Variants in ERBB4 observed in about 807,000 individuals in gnomAD.
The protein encoded by ERBB4 is erb-b2 receptor tyrosine kinase 4.
A neutral mutation model predicts 158.0 loss-of-function variants in ERBB4; 42 were observed. That is an observed-to-expected ratio of 0.27 (90% CI 0.21 to 0.34). ERBB4 has a LOEUF of 0.34. Among genes scored for constraint, ERBB4 ranks in the 10% least tolerant of loss-of-function variants. The probability of loss-of-function intolerance (pLI) is 1.00; values close to 1 mark genes in which losing one functional copy is unlikely to be tolerated. For missense variants in ERBB4, 1,333 were observed against 1,624.1 expected (o/e 0.82, Z 3.08); for synonymous variants, 583 against 558.7 (o/e 1.04, Z -0.61).
At position 211,544,192 on chromosome 2, in the gene ERBB4, A is replaced by G. The variant is rs1159312959; in HGVS notation, c.2487+17711T>C. On this transcript the variant is annotated intron_variant, in intron 20 of 27. Transcript: ENST00000342788. ...AATTACAAGAGCAGCTGTGACTAAG[A>G]TGGTGATTCTGGAATTACTGTAATT... 8.5e-5 allele frequency among the ~76,000 whole-genome samples: 13 copies of G among 152,210 alleles called. No individual in the cohort carries two copies. The South Asian group carries it at 2.5e-3, about 29-fold the overall frequency.
chr2:212,538,444 C>A lies in ERBB4; in HGVS notation c.82+5G>T. On this transcript the variant is annotated splice_donor_5th_base_variant and intron_variant, in intron 1 of 27. Transcript: ENST00000342788. ...TCGGCGACCGGAGTGCCAGAAGGAACCCACCTGACTGAGAATCGCTGGGCT... is the reference window on the plus strand; with the variant it reads ...TCGGCGACCGGAGTGCCAGAAGGAAACCACCTGACTGAGAATCGCTGGGCT... 1 of 1,613,704 alleles carries A rather than the reference C, an allele frequency of 6.2e-7. No homozygotes were observed. Among genetic ancestry groups the A allele is most frequent in the Non-Finnish European group, 8.5e-7 (1 of 1,179,680 alleles).
chr2:211,587,825 C>A (rs893568769), intron 19 of ERBB4, among the ~76,000 whole-genome samples: 1 of 152,150 alleles, frequency 6.6e-6, no homozygotes, highest in Non-Finnish European at 1.5e-5. Flanking sequence ...GTAAAAATTA[C>A]AGATGTATTT....
intron 1 of ERBB4, among the ~76,000 whole-genome samples, chr2:212,161,990 A>C (rs938668649): frequency 2.0e-5 from 3 of 151,894 alleles, no homozygotes; most frequent in Admixed American, 6.6e-5. Flanking sequence ...TATTGTGAGA[A>C]TATAAAGTGT....
intron 19 of ERBB4, among the ~76,000 whole-genome samples, chr2:211,596,082 A>G (rs1392976881): frequency 6.6e-6 from 1 of 152,226 alleles, no homozygotes; most frequent in Non-Finnish European, 1.5e-5. Context: ...TTATAAAACT[A>G]AAGTATATCT....
chr2:212,057,031 C>T (rs2077598825), intron 2 of ERBB4, among the ~76,000 whole-genome samples: 2 of 152,072 alleles, frequency 1.3e-5, no homozygotes, highest in African/African-American at 4.8e-5. Context: ...ATTCAGGAGA[C>T]CCATCTCACG....
chr2:212,413,750 A>T (rs2091571511), intron 1 of ERBB4, among the ~76,000 whole-genome samples: 1 of 152,166 alleles, frequency 6.6e-6, no homozygotes, highest in Non-Finnish European at 1.5e-5. Context: ...AAATTATTTT[A>T]AAAAGTATTT....
rs750922928 is a variant in ERBB4, at chr2:212,291,424, A to C, written c.83-166521T>G. On this transcript the variant is annotated intron_variant, in intron 1 of 27. Coordinates refer to ENST00000342788, the MANE Select transcript of ERBB4 (RefSeq NM_005235.3). Reference sequence around the variant, plus strand: ...AAAGTCTTTTTACTAGATATTTTTAATGGAAAGTGAACAATTTGCATTAAA... The same window carrying C: ...AAAGTCTTTTTACTAGATATTTTTACTGGAAAGTGAACAATTTGCATTAAA... Among the ~76,000 whole-genome samples the C allele has an allele frequency of 2.7e-4, 41 of 152,258 alleles. 1 individual carries two copies. Among genetic ancestry groups the C allele is most frequent in the Admixed American group, 2.0e-4 (3 of 15,282 alleles).
At chr2:211,662,887 T>C (rs983064514) in intron 15 of ERBB4, among the ~76,000 whole-genome samples, 12 of 152,230 alleles carry the variant, frequency 7.9e-5, no homozygotes, top group African/African-American at 2.2e-4. Context: ...GGTTCTTGAA[T>C]TATCTGACAT....
At chr2:211,850,782 A>G (rs2077699332) in intron 3 of ERBB4, among the ~76,000 whole-genome samples, 1 of 151,944 alleles carries the variant, frequency 6.6e-6, no homozygotes, top group Non-Finnish European at 1.5e-5. Flanking sequence ...CAAGAATTCA[A>G]TATTATCTAC....
At chr2:212,062,760 A>G (rs929180815) in intron 2 of ERBB4, among the ~76,000 whole-genome samples, 1 of 152,142 alleles carries the variant, frequency 6.6e-6, no homozygotes, top group Non-Finnish European at 1.5e-5. Context: ...TTGAGCTGTT[A>G]GTTTAATTTT....
intron 1 of ERBB4, among the ~76,000 whole-genome samples, chr2:212,194,131 C>T (rs748569911): frequency 9.2e-5 from 14 of 151,572 alleles, no homozygotes; most frequent in Non-Finnish European, 1.9e-4. Context: ...TATAGTCATG[C>T]AAAGCAATAA....
chr2:211,669,822 G>C (rs1227361505), intron 14 of ERBB4, among the ~76,000 whole-genome samples: 1 of 152,162 alleles, frequency 6.6e-6, no homozygotes, highest in African/African-American at 2.4e-5. Context: ...TTTACAGTCA[G>C]AACTTCTATA....
chr2:212,169,510 T>C (rs1251714345), intron 1 of ERBB4, among the ~76,000 whole-genome samples: 2 of 151,950 alleles, frequency 1.3e-5, no homozygotes, highest in Admixed American at 6.6e-5. Context: ...AAAAATCAAC[T>C]CAAGACAGAT....
At chr2:212,446,449 T>C (rs2092349470) in intron 1 of ERBB4, among the ~76,000 whole-genome samples, 2 of 150,432 alleles carry the variant, frequency 1.3e-5, no homozygotes, top group Admixed American at 1.3e-4. Context: ...GTTGGATGCT[T>C]TCTGCCCTCA....
intron 1 of ERBB4, among the ~76,000 whole-genome samples, chr2:212,471,331 C>T (rs761905824): frequency 2.6e-5 from 4 of 152,090 alleles, no homozygotes; most frequent in South Asian, 4.1e-4. Flanking sequence ...AGACTCTTTG[C>T]AGAGTCTTTA....
chr2:211,774,533 C>T (rs1403711315), intron 4 of ERBB4, among the ~76,000 whole-genome samples: 1 of 152,138 alleles, frequency 6.6e-6, no homozygotes, highest in African/African-American at 2.4e-5. Context: ...AAGTAAAGCA[C>T]AGCTGAACCC....
At chr2:212,062,387 C>A (rs566196091) in intron 2 of ERBB4, among the ~76,000 whole-genome samples, 186 of 139,190 alleles carry the variant, frequency 1.3e-3, no homozygotes, top group South Asian at 2.4e-3. Context: ...CTACTCTTCT[C>A]ACTTGTCAAT....
At chr2:212,502,637 A>T (rs1342115423) in intron 1 of ERBB4, among the ~76,000 whole-genome samples, 2 of 152,204 alleles carry the variant, frequency 1.3e-5, no homozygotes, top group Non-Finnish European at 1.5e-5. Flanking sequence ...CAGCTTGATC[A>T]TATTTCTCTT....
At chr2:211,527,952 AAAG>A (rs1466841513) in intron 20 of ERBB4, among the ~76,000 whole-genome samples, 1 of 152,068 alleles carries the variant, frequency 6.6e-6, no homozygotes, top group Non-Finnish European at 1.5e-5. Context: ...GAAAGAAGAA[AAAG>A]AAGACCACAA....
Sources: gnomAD v4.1 joint callset for allele counts (sites outside exome capture counted in the v4.1 genomes callset) on GRCh38, gnomAD v4.1.1 for gene constraint, MANE v1.5 for transcripts, NCBI Gene and HGNC (gene_info 2026-07-23, HGNC 2026-07-21) for gene names.